The following KCNG3 variants were observed in gnomAD, a reference collection of about 807,000 sequenced individuals.
The protein encoded by KCNG3 is potassium voltage-gated channel modifier subfamily G member 3.
A neutral mutation model predicts 29.0 loss-of-function variants in KCNG3; 15 were observed. The observed-to-expected ratio is 0.52, with a 90% CI of 0.35 to 0.80. KCNG3 has a LOEUF of 0.80. Among genes scored for constraint, KCNG3 ranks in the 30% least tolerant of loss-of-function variants. KCNG3 has a pLI of 0.01. For synonymous variants in KCNG3, 322 were observed against 248.9 expected, an observed-to-expected ratio of 1.29 and a Z score of -2.76; for missense variants, 512 against 605.7, an observed-to-expected ratio of 0.85 and a Z score of 1.62.
chr2:42,409,699 CAAAAAAAAAAA>C, the KCNG3 span, among the ~76,000 whole-genome samples: 570 of 52,000 alleles, frequency 0.011, 12 homozygotes, highest in African/African-American at 0.031. Context: ...GTGCCTGTCT[CAAAAAAAAAAA>C]AAAAAAAAAA....
the KCNG3 span, among the ~76,000 whole-genome samples, chr2:42,389,312 T>A: frequency 6.6e-6 from 1 of 152,244 alleles, no homozygotes; most frequent in Non-Finnish European, 1.5e-5. Flanking sequence ...TCGCTGTTAG[T>A]AACTTTGTAA....
intron 1 of KCNG3, among the ~76,000 whole-genome samples, chr2:42,475,622 G>A (rs1426383521): frequency 6.8e-6 from 1 of 147,406 alleles, no homozygotes; most frequent in South Asian, 2.1e-4. Flanking sequence ...GAGCTGCTGC[G>A]CCCGGTCTGA....
chr2:42,452,241 ATAT>A (rs146543895), intron 1 of KCNG3, among the ~76,000 whole-genome samples: 5,420 of 65,994 alleles, frequency 0.082, 119 homozygotes, highest in Non-Finnish European at 0.11. Flanking sequence ...ATATATATAT[ATAT>A]TTTTTTTTTT....
chr2:42,406,946 T>C, the KCNG3 span, among the ~76,000 whole-genome samples: 1 of 152,068 alleles, frequency 6.6e-6, no homozygotes, highest in Non-Finnish European at 1.5e-5. Flanking sequence ...TTCTATATGA[T>C]AAAATTTCTT....
At chr2:42,404,267 T>C in the KCNG3 span, among the ~76,000 whole-genome samples, 1 of 151,372 alleles carries the variant, frequency 6.6e-6, no homozygotes, top group Non-Finnish European at 1.5e-5. Flanking sequence ...GAATTGTTGA[T>C]AGTATTCTTT....
chr2:42,424,970 T>C, the KCNG3 span: 3 of 152,182 alleles, frequency 2.0e-5, no homozygotes, highest in Admixed American at 1.3e-4. Context: ...AGGGTGATTT[T>C]CACAGTTAAG....
chr2:42,467,865 G>A (rs1389146469), intron 1 of KCNG3, among the ~76,000 whole-genome samples: 1 of 151,552 alleles, frequency 6.6e-6, no homozygotes, highest in African/African-American at 2.4e-5. Flanking sequence ...TAGCTACTGG[G>A]GAGCTGAGGT....
At chr2:42,469,626 A>T (rs977400483) in intron 1 of KCNG3, among the ~76,000 whole-genome samples, 3 of 152,100 alleles carry the variant, frequency 2.0e-5, no homozygotes, top group Non-Finnish European at 2.9e-5. Context: ...TGAAATGTAA[A>T]AGTTAAGTAA....
the KCNG3 span, among the ~76,000 whole-genome samples, chr2:42,409,690 T>G: frequency 9.8e-6 from 1 of 102,518 alleles, no homozygotes; most frequent in Non-Finnish European, 1.8e-5. Context: ...GGTGACAGAG[T>G]GCCTGTCTCA....
the KCNG3 span, among the ~76,000 whole-genome samples, chr2:42,411,311 A>C: frequency 6.6e-6 from 1 of 152,170 alleles, no homozygotes; most frequent in African/African-American, 2.4e-5. Context: ...AGTTTTAAAC[A>C]AGTGTCAGCA....
intron 1 of KCNG3, among the ~76,000 whole-genome samples, chr2:42,466,848 G>C (rs1194234558): frequency 6.6e-6 from 1 of 151,434 alleles, no homozygotes; most frequent in African/African-American, 2.4e-5. Context: ...TGCCACCCGG[G>C]TTCAAGCGAT....
intron 1 of KCNG3, among the ~76,000 whole-genome samples, chr2:42,472,888 TAG>T (rs1279709075): frequency 1.0e-5 from 1 of 99,298 alleles, no homozygotes; most frequent in Non-Finnish European, 2.1e-5. Context: ...GATCTATCGA[TAG>T]ATATATATAT....
the KCNG3 span, among the ~76,000 whole-genome samples, chr2:42,427,675 TA>T: frequency 6.6e-6 from 1 of 152,186 alleles, no homozygotes; most frequent in African/African-American, 2.4e-5. Flanking sequence ...ATGCATAAGA[TA>T]TTTTTTAGTG....
chr2:42,405,212 CTACTA>C, the KCNG3 span, among the ~76,000 whole-genome samples: 1 of 152,208 alleles, frequency 6.6e-6, no homozygotes, highest in African/African-American at 2.4e-5. Flanking sequence ...TTATAGCTCT[CTACTA>C]TACATGCAGT....
chr2:42,448,047 G>A (rs1407653071), intron 1 of KCNG3, among the ~76,000 whole-genome samples: 1 of 152,148 alleles, frequency 6.6e-6, no homozygotes, highest in Non-Finnish European at 1.5e-5. Flanking sequence ...GTAAAGTATT[G>A]TTGAACTTGG....
intron 1 of KCNG3, among the ~76,000 whole-genome samples, chr2:42,486,382 C>T (rs1296221980): frequency 6.6e-6 from 1 of 152,256 alleles, no homozygotes; most frequent in Non-Finnish European, 1.5e-5. Context: ...GGTCTCTCCA[C>T]ATCTGCTGTT....
chr2:42,445,140 T>G (rs1036005831), intron 1 of KCNG3, among the ~76,000 whole-genome samples: 4 of 152,040 alleles, frequency 2.6e-5, no homozygotes, highest in African/African-American at 9.7e-5. Flanking sequence ...ACTATTAAAT[T>G]TTGTTTTTTA....
the KCNG3 span, among the ~76,000 whole-genome samples, chr2:42,405,188 T>C: frequency 6.6e-6 from 1 of 152,240 alleles, no homozygotes; most frequent in Non-Finnish European, 1.5e-5. Context: ...ATCTAATACG[T>C]CTGGAATCAC....
intron 1 of KCNG3, among the ~76,000 whole-genome samples, chr2:42,475,844 C>A (rs1673410973): frequency 6.6e-6 from 1 of 152,026 alleles, no homozygotes; most frequent in African/African-American, 2.4e-5. Context: ...GTGGGTGGAT[C>A]ACCTGAAGTC....
Sources: allele counts gnomAD v4.1 joint callset (sites outside exome capture counted in the v4.1 genomes callset), GRCh38; gene constraint gnomAD v4.1.1; transcripts MANE v1.5; gene names NCBI Gene and HGNC (gene_info 2026-07-23, HGNC 2026-07-21).